The following DSCAML1 variants were observed in gnomAD, a reference collection of about 807,000 sequenced individuals.
DSCAML1 encodes the protein cell adhesion molecule DSCAML1.
Under a neutral mutation model 200.5 loss-of-function variants are expected in DSCAML1, and 38 were observed. The observed-to-expected ratio is 0.19, with a 90% CI of 0.15 to 0.25. The LOEUF (loss-of-function observed/expected upper bound fraction) is 0.25. Among genes scored for constraint, DSCAML1 ranks in the 10% least tolerant of loss-of-function variants. The probability of loss-of-function intolerance (pLI) is 1.00; values close to 1 mark genes in which losing one functional copy is unlikely to be tolerated. For synonymous variants in DSCAML1, 1,215 were observed against 1,165.0 expected (o/e 1.04, Z -0.87); for missense variants, 2,223 against 2,858.8 (o/e 0.78, Z 5.07).
chr11:117,780,894 C>T lies in DSCAML1; in HGVS notation c.47-84G>A. The T allele has an allele frequency of 1.8e-6, 2 of 1,129,358 alleles. No homozygotes were observed. Among genetic ancestry groups the T allele is most frequent in the Non-Finnish European group, 2.3e-6 (2 of 853,662 alleles). 70.0% of individuals were successfully genotyped at this position (1,129,358 alleles called of 1,614,324 possible). On this transcript the variant is annotated intron_variant, in intron 1 of 32. Coordinates refer to ENST00000651296, the MANE Select transcript of DSCAML1 (RefSeq NM_020693.4). This position sits in a 1 kb window ranked among gnomAD's most constrained non-coding sequence, Gnocchi z 4.8. ...AGCCACGGAGGCTTGCGACAGGCTGCACTCATTCACCTGACCTTCAAGCAT... is the reference window on the plus strand; with the variant it reads ...AGCCACGGAGGCTTGCGACAGGCTGTACTCATTCACCTGACCTTCAAGCAT...
intron 17 of DSCAML1, among the ~76,000 whole-genome samples, chr11:117,464,175 A>T (rs1332860167): frequency 6.6e-6 from 1 of 151,998 alleles, no homozygotes; most frequent in Non-Finnish European, 1.5e-5. Context: ...TTGGCCTCAG[A>T]CCCTAGCTTT....
intron 11 of DSCAML1, among the ~76,000 whole-genome samples, chr11:117,499,685 A>T (rs1408324386): frequency 6.6e-6 from 1 of 152,234 alleles, no homozygotes. Context: ...AATGCTGTAC[A>T]TGCAGGCGGC....
chr11:117,750,452 A>T (rs1233572571), intron 3 of DSCAML1, among the ~76,000 whole-genome samples: 3 of 152,202 alleles, frequency 2.0e-5, no homozygotes, highest in Non-Finnish European at 4.4e-5. Context: ...TGGAGAACCC[A>T]TCAGCTCCTC....
At chr11:117,523,633 C>T (rs748922343) in intron 5 of DSCAML1, among the ~76,000 whole-genome samples, 5 of 152,202 alleles carry the variant, frequency 3.3e-5, no homozygotes, top group Non-Finnish European at 5.9e-5. Flanking sequence ...AGGAAGGAGA[C>T]TCAGCCCTTA....
chr11:117,559,003 G>T (rs685440), intron 3 of DSCAML1, among the ~76,000 whole-genome samples: 30,501 of 151,898 alleles, frequency 0.2, 3,189 homozygotes, highest in South Asian at 0.34. Flanking sequence ...TCCAACTTTT[G>T]GCTTTCTCCC....
rs1431559555 is a variant in DSCAML1, at chr11:117,503,365, C to T, written c.2359+480G>A. 6.6e-6 allele frequency among the ~76,000 whole-genome samples: 1 copy of T among 152,134 alleles called. No individual in the cohort carries two copies. Among genetic ancestry groups the T allele is most frequent in the East Asian group, 1.9e-4 (1 of 5,184 alleles). On this transcript the variant is annotated intron_variant, in intron 11 of 32. Transcript: ENST00000651296. The surrounding 1 kb of genome is among the most constrained non-coding windows in gnomAD (Gnocchi z 5.2). ...GCACAGGGAGGGGGAGTGACTCGCC[C>T]AAGGTCACTCAGCTCATCAGGCTGA...
Position 117,428,551 on chromosome 11 carries a change from G to T in DSCAML1, c.5939C>A (p.Pro1980Gln), listed in dbSNP as rs549967851. Residue 1980 changes from proline to glutamine, a missense_variant, in exon 33 of 33, where the codon CCA becomes CAA. Coordinates refer to ENST00000651296, the MANE Select transcript of DSCAML1 (RefSeq NM_020693.4). ...PQRTLAMPAP[P>Q]AGTAPPAPGP... ...GGGGGCTGGGGGGGCTGTGCCGGCT[G>T]GGGGGGCTGGCATGGCCAGAGTCCT... is the stretch of plus-strand genomic sequence containing the variant. The T allele has an allele frequency of 4.2e-4, 642 of 1,535,684 alleles. 1 individual carries two copies. Among genetic ancestry groups the T allele is most frequent in the Middle Eastern group, 3.9e-3 (17 of 4,326 alleles).
intron 3 of DSCAML1, among the ~76,000 whole-genome samples, chr11:117,702,134 C>T (rs1405530050): frequency 6.6e-6 from 1 of 152,218 alleles, no homozygotes; most frequent in South Asian, 2.1e-4. Flanking sequence ...CCTCCTTCCT[C>T]CTTCCAGAAT....
At chr11:117,483,262 C>T (rs996302208) in intron 11 of DSCAML1, among the ~76,000 whole-genome samples, 2 of 152,096 alleles carry the variant, frequency 1.3e-5, no homozygotes, top group East Asian at 1.9e-4. Flanking sequence ...CTGGGGGGTA[C>T]GCATGACAAT....
At chr11:117,432,166 G>A (rs751163692) in intron 30 of DSCAML1, among the ~76,000 whole-genome samples, 186 bp downstream of exon 30, 13 of 152,106 alleles carry the variant, frequency 8.5e-5, no homozygotes, top group African/African-American at 3.1e-4. Flanking sequence ...TTAGTGATAC[G>A]CCCAAGGTCA....
chr11:117,814,457 C>A (rs1024280375), intron 1 of DSCAML1, among the ~76,000 whole-genome samples: 3 of 152,210 alleles, frequency 2.0e-5, no homozygotes, highest in Non-Finnish European at 4.4e-5. Flanking sequence ...AGCTGCCTAC[C>A]CTGACCCCAC....
At chr11:117,589,852 T>C (rs1297736919) in intron 3 of DSCAML1, among the ~76,000 whole-genome samples, 2 of 152,186 alleles carry the variant, frequency 1.3e-5, no homozygotes, top group East Asian at 3.8e-4. Context: ...CAGGCATAGA[T>C]AGCCCCATGG....
At chr11:117,492,514 G>A (rs1022822896) in intron 11 of DSCAML1, among the ~76,000 whole-genome samples, 2 of 152,110 alleles carry the variant, frequency 1.3e-5, no homozygotes, top group Non-Finnish European at 1.5e-5. Context: ...TTCAAGGCTC[G>A]GATCGCCTTT....
chr11:117,667,553 C>T (rs2053004917), intron 3 of DSCAML1, among the ~76,000 whole-genome samples: 1 of 152,222 alleles, frequency 6.6e-6, no homozygotes, highest in Admixed American at 6.5e-5. Flanking sequence ...CCAGCCCAGA[C>T]ACTGAGACTG....
intron 3 of DSCAML1, among the ~76,000 whole-genome samples, chr11:117,757,118 A>T (rs572203332): frequency 3.9e-5 from 6 of 152,304 alleles, no homozygotes; most frequent in East Asian, 1.9e-4. Context: ...TAGTCCCCCC[A>T]TCTAAGAAGG....
intron 3 of DSCAML1, among the ~76,000 whole-genome samples, chr11:117,750,865 G>A (rs1365304942): frequency 1.3e-5 from 2 of 152,176 alleles, no homozygotes; most frequent in Non-Finnish European, 1.5e-5. Context: ...CCCTCCAGGG[G>A]CTTATGCTCT....
chr11:117,580,945 G>A (rs941769447), intron 3 of DSCAML1, among the ~76,000 whole-genome samples: 3 of 152,192 alleles, frequency 2.0e-5, no homozygotes, highest in African/African-American at 7.2e-5. Context: ...AAGCTCTGAG[G>A]ATGGGACCCA....
At position 117,461,432 on chromosome 11, in the gene DSCAML1, C is replaced by G. The variant is rs1397996661; in HGVS notation, c.3412+18G>C. On this transcript the variant is annotated intron_variant, in intron 18 of 32. Transcript: ENST00000651296. ...CGCCTCTCCCCTGAGTCCCAGCCAT[C>G]AGTCCCAGCAGACTCACCCCCATCA... 4 of 1,613,956 alleles carry G rather than the reference C, an allele frequency of 2.5e-6. No individual in the cohort carries two copies. The highest frequency in any genetic ancestry group is 3.4e-6 in the Non-Finnish European group (4 of 1,179,990).
At chr11:117,736,877 A>T (rs1377088289) in intron 3 of DSCAML1, among the ~76,000 whole-genome samples, 1 of 152,186 alleles carries the variant, frequency 6.6e-6, no homozygotes, top group Non-Finnish European at 1.5e-5. Flanking sequence ...CCCATTTCTC[A>T]CTAGCTGTTG....
Sources: gnomAD v4.1 joint callset for allele counts (sites outside exome capture counted in the v4.1 genomes callset) on GRCh38, gnomAD v4.1.1 for gene constraint, Gnocchi (gnomAD v3.1) non-coding constraint, MANE v1.5 for transcripts, NCBI Gene and HGNC (gene_info 2026-07-23, HGNC 2026-07-21) for gene names.